RAB11FIP4: variants seen among roughly 807,000 people sequenced by gnomAD.
RAB11FIP4 encodes rab11 family-interacting protein 4.
In RAB11FIP4, 23 loss-of-function variants were observed where a neutral mutation model predicts 74.3. The ratio of observed to expected loss-of-function variants is 0.31; its 90% confidence interval spans 0.22 to 0.44. The LOEUF is 0.44. Ranked by LOEUF, RAB11FIP4 falls within the 20% of genes least tolerant of loss-of-function variation. The pLI, the probability that RAB11FIP4 is intolerant of heterozygous loss-of-function variation, is 1.00. For synonymous variants in RAB11FIP4, 360 were observed against 359.9 expected (o/e 1.00, Z 0.00); for missense variants, 630 against 863.9 (o/e 0.73, Z 3.39).
At position 31,404,347 on chromosome 17, in the gene RAB11FIP4, C is replaced by G. The variant is rs141055883; in HGVS notation, c.159+12336C>G. On this transcript the variant is annotated intron_variant, in intron 1 of 14. Transcript: ENST00000621161. ...TCCACTTTTCTACTGCACCTCAGAT[C>G]AGGCCAGGCCATCTCTCAGGTTCTC... 7.5e-3 allele frequency among the ~76,000 whole-genome samples: 1,138 copies of G among 152,366 alleles called. 5 individuals carry two copies. Among genetic ancestry groups the G allele is most frequent in the Non-Finnish European group, 0.011 (749 of 68,026 alleles).
At chr17:31,502,164 C>G (rs1567679264) in intron 3 of RAB11FIP4, among the ~76,000 whole-genome samples, 1 of 149,666 alleles carries the variant, frequency 6.7e-6, no homozygotes. Context: ...GGGGGTGTTG[C>G]AGTGAGCTGA....
intron 2 of RAB11FIP4, among the ~76,000 whole-genome samples, chr17:31,432,215 C>T (rs1226923902): frequency 6.6e-6 from 1 of 152,130 alleles, no homozygotes; most frequent in Non-Finnish European, 1.5e-5. Flanking sequence ...TGACCAAACC[C>T]AGTGAGTCTC....
chr17:31,424,843 CTG>C (rs1434847544), intron 1 of RAB11FIP4, among the ~76,000 whole-genome samples: 5 of 152,156 alleles, frequency 3.3e-5, no homozygotes, highest in African/African-American at 1.2e-4. Flanking sequence ...TCCCAAAGTG[CTG>C]GGATTACAGG....
chr17:31,495,526 G>A (rs1426691866), intron 3 of RAB11FIP4, among the ~76,000 whole-genome samples: 4 of 151,850 alleles, frequency 2.6e-5, no homozygotes, highest in African/African-American at 9.7e-5. Context: ...CACCACTCCC[G>A]GCTATTTATT....
At chr17:31,450,805 C>G (rs924526580) in intron 3 of RAB11FIP4, among the ~76,000 whole-genome samples, 2 of 148,756 alleles carry the variant, frequency 1.3e-5, no homozygotes, top group African/African-American at 5.2e-5. Context: ...ACCTGTGGCG[C>G]ACCCTCTGCA....
chr17:31,480,599 C>T (rs1486524132), intron 3 of RAB11FIP4, among the ~76,000 whole-genome samples: 2 of 151,978 alleles, frequency 1.3e-5, no homozygotes, highest in East Asian at 3.9e-4. Flanking sequence ...ACCACCCTGG[C>T]CAACATGGTG....
chr17:31,495,041 G>A (rs999216542), intron 3 of RAB11FIP4, among the ~76,000 whole-genome samples: 1 of 152,248 alleles, frequency 6.6e-6, no homozygotes, highest in Non-Finnish European at 1.5e-5. Flanking sequence ...CCTCCAGCCA[G>A]GGCCTGCCTG....
In RAB11FIP4 at chr17:31,414,684, G is replaced by A. The variant is rs372071991; in HGVS notation, c.160-17129G>A. On this transcript the variant is annotated intron_variant, in intron 1 of 14. Transcript: ENST00000621161. ...GGGTACCATGTCACTGGGCCATGGT[G>A]CTGGCCAGCCCTCTGGATGTCTAGC... Among the ~76,000 whole-genome samples, 6 of 152,268 alleles carry A rather than the reference G, an allele frequency of 3.9e-5. No individual in the cohort carries two copies. In the East Asian group the frequency reaches 1.2e-3, roughly 29 times the overall value.
intron 3 of RAB11FIP4, among the ~76,000 whole-genome samples, chr17:31,480,039 C>T (rs1229282663): frequency 6.6e-6 from 1 of 152,136 alleles, no homozygotes; most frequent in East Asian, 1.9e-4. Context: ...GTTGGTTGTA[C>T]TCTCTCCATT....
At chr17:31,415,972 G>A (rs939667805) in intron 1 of RAB11FIP4, among the ~76,000 whole-genome samples, 2 of 152,172 alleles carry the variant, frequency 1.3e-5, no homozygotes, top group East Asian at 1.9e-4. Context: ...TGATCTGATC[G>A]TCACAGCGGT....
chr17:31,455,362 C>T (rs990562730), intron 3 of RAB11FIP4, among the ~76,000 whole-genome samples: 2 of 152,094 alleles, frequency 1.3e-5, no homozygotes, highest in Non-Finnish European at 1.5e-5. Context: ...ATTTATTCTC[C>T]TTTTCATGGG....
At chr17:31,472,523 T>A (rs189812857) in intron 3 of RAB11FIP4, among the ~76,000 whole-genome samples, 1 of 152,318 alleles carries the variant, frequency 6.6e-6, no homozygotes, top group African/African-American at 2.4e-5. Context: ...GGGATACACC[T>A]GCGCACAGGA....
At position 31,523,447 on chromosome 17, in the gene RAB11FIP4, A is replaced by G. The variant is rs2072705405; in HGVS notation, c.930-65A>G. On this transcript the variant is annotated intron_variant, in intron 7 of 14. Transcript: ENST00000621161. ...GGTACTGGATGCTCGCCTAGCCAGT[A>G]GTGTGAGTAGGCCCCTGTCTCTGGA... The G allele has an allele frequency of 7.9e-6, 10 of 1,272,270 alleles. No homozygotes were observed. In the South Asian group the frequency reaches 1.2e-4, roughly 15 times the overall value. The allele number at this position is 1,272,270 out of a possible 1,614,324, so 78.8% of individuals were successfully genotyped here. A position where few individuals can be genotyped will look rare whatever the true frequency, so the allele number is the denominator to read the frequency against.
intron 3 of RAB11FIP4, among the ~76,000 whole-genome samples, chr17:31,480,367 A>G (rs1159513465): frequency 2.0e-5 from 3 of 152,166 alleles, no homozygotes; most frequent in South Asian, 2.1e-4. Flanking sequence ...GGCAGCAGGT[A>G]GGACATTGAG....
intron 3 of RAB11FIP4, among the ~76,000 whole-genome samples, chr17:31,497,196 T>C (rs2072133013): frequency 6.6e-6 from 1 of 152,080 alleles, no homozygotes; most frequent in African/African-American, 2.4e-5. Flanking sequence ...AAACCCCATC[T>C]CTACTGAAAA....
chr17:31,394,284 T>A (rs928255712), intron 1 of RAB11FIP4, among the ~76,000 whole-genome samples: 6 of 152,228 alleles, frequency 3.9e-5, no homozygotes, highest in African/African-American at 7.2e-5. Flanking sequence ...AATGAGATCA[T>A]ACTGTGCATA....
At chr17:31,402,671 G>A (rs1013577756) in intron 1 of RAB11FIP4, among the ~76,000 whole-genome samples, 9 of 150,654 alleles carry the variant, frequency 6.0e-5, no homozygotes, top group Non-Finnish European at 1.3e-4. Flanking sequence ...GCCCAGGCTG[G>A]CGTGCAGTGG....
At chr17:31,454,900 A>T (rs1333242791) in intron 3 of RAB11FIP4, among the ~76,000 whole-genome samples, 1 of 152,052 alleles carries the variant, frequency 6.6e-6, no homozygotes, top group Non-Finnish European at 1.5e-5. Flanking sequence ...AAAGATGGAA[A>T]CTGTCTGTGG....
At chr17:31,462,878 C>T (rs556475688) in intron 3 of RAB11FIP4, among the ~76,000 whole-genome samples, 2 of 152,130 alleles carry the variant, frequency 1.3e-5, no homozygotes, top group African/African-American at 4.8e-5. Flanking sequence ...TCAAATGATC[C>T]GCCCGCCTCG....
Sources: allele counts gnomAD v4.1 joint callset (sites outside exome capture counted in the v4.1 genomes callset), GRCh38; gene constraint gnomAD v4.1.1; transcripts MANE v1.5; gene names NCBI Gene and HGNC (gene_info 2026-07-23, HGNC 2026-07-21).